Variants in TENM4 observed in about 807,000 individuals in gnomAD.
TENM4 encodes teneurin transmembrane protein 4, also known as teneurin-4.
TENM4 carries 82 observed loss-of-function variants against 243.3 expected under a neutral mutation model. The ratio of observed to expected loss-of-function variants is 0.34; its 90% CI spans 0.28 to 0.40. The LOEUF (loss-of-function observed/expected upper bound fraction) is 0.40, where lower values mean the gene tolerates loss of function less well. Ranked by LOEUF, TENM4 falls within the 10% of genes least tolerant of loss-of-function variation. The pLI is 1.00. For missense variants in TENM4, 3,138 were observed against 3,673.3 expected (o/e 0.85, Z 3.77); for synonymous variants, 1,412 against 1,456.3 (o/e 0.97, Z 0.69).
At chr11:79,283,124 A>C (rs530931071) in intron 2 of TENM4, among the ~76,000 whole-genome samples, 1 of 152,126 alleles carries the variant, frequency 6.6e-6, no homozygotes, top group South Asian at 2.1e-4. Flanking sequence ...TCTTACAAGA[A>C]ATACAAAAGG....
intron 16 of TENM4, among the ~76,000 whole-genome samples, chr11:78,781,801 G>C (rs1856843594): frequency 6.6e-6 from 1 of 152,196 alleles, no homozygotes; most frequent in Non-Finnish European, 1.5e-5. Flanking sequence ...AACCACCAAA[G>C]AGATGTTCTT....
At chr11:78,698,517 A>G (rs1173006170) in intron 28 of TENM4, among the ~76,000 whole-genome samples, 1 of 152,206 alleles carries the variant, frequency 6.6e-6, no homozygotes, top group Non-Finnish European at 1.5e-5. Context: ...AAAATAGAAC[A>G]TTTCGGTTAT....
chr11:79,203,675 A>G (rs1290686499), intron 3 of TENM4, among the ~76,000 whole-genome samples: 1 of 152,202 alleles, frequency 6.6e-6, no homozygotes, highest in Non-Finnish European at 1.5e-5. Flanking sequence ...AAATCCAAGA[A>G]TCTTCAACTC....
chr11:78,890,124 G>T, intron 8 of TENM4, 104 bp from the exon 9 acceptor site: 1 of 876,650 alleles, frequency 1.1e-6, no homozygotes, highest in Non-Finnish European at 1.7e-6. Context: ...ATGCAGAGGA[G>T]CCTGGATAGA....
intron 6 of TENM4, among the ~76,000 whole-genome samples, chr11:79,049,053 G>C (rs1859732525): frequency 6.6e-6 from 1 of 152,276 alleles, no homozygotes; most frequent in Non-Finnish European, 1.5e-5. Flanking sequence ...TCTGTCTTCT[G>C]TATACCATGA....
At chr11:79,222,312 T>C (rs917251926) in intron 2 of TENM4, among the ~76,000 whole-genome samples, 1 of 152,236 alleles carries the variant, frequency 6.6e-6, no homozygotes, top group African/African-American at 2.4e-5. Context: ...GCTCCATCCG[T>C]GTTCCTGAAA....
intron 2 of TENM4, among the ~76,000 whole-genome samples, chr11:79,230,212 G>A (rs1340663642): frequency 6.6e-6 from 1 of 152,138 alleles, no homozygotes; most frequent in Non-Finnish European, 1.5e-5. Flanking sequence ...GGACACGCTG[G>A]TCATCCTTAG....
chr11:79,117,981 G>T (rs1243011728), intron 4 of TENM4, among the ~76,000 whole-genome samples: 2 of 152,186 alleles, frequency 1.3e-5, no homozygotes, highest in Non-Finnish European at 2.9e-5. Flanking sequence ...AAATGGCAAA[G>T]GGAAAAGAAA....
At chr11:78,974,663 G>A (rs866856956) in intron 6 of TENM4, among the ~76,000 whole-genome samples, 7 of 151,882 alleles carry the variant, frequency 4.6e-5, no homozygotes. Flanking sequence ...AGTGGAAGTG[G>A]TAGCTCTCCC....
At chr11:79,363,650 CAT>C (rs1338880403) in intron 1 of TENM4, among the ~76,000 whole-genome samples, 1 of 152,200 alleles carries the variant, frequency 6.6e-6, no homozygotes, top group African/African-American at 2.4e-5. Flanking sequence ...TGCAGATTTT[CAT>C]ATGATATAAT....
Position 79,271,526 on chromosome 11 carries a change from T to A in TENM4, c.-265+25962A>T, listed in dbSNP as rs185496823. 7.6e-4 allele frequency among the ~76,000 whole-genome samples: 116 copies of A among 152,200 alleles called. 1 individual carries two copies. Among genetic ancestry groups the A allele is most frequent in the Non-Finnish European group, 7.2e-4 (49 of 67,990 alleles). On this transcript the variant is annotated intron_variant, in intron 2 of 33. Coordinates refer to ENST00000278550, the MANE Select transcript of TENM4 (RefSeq NM_001098816.3). ...CCCCAGGGCCACAGTGGGTAAACAG[T>A]CTGTGTTTGCTGAGCTTACCTCCTT...
intron 2 of TENM4, among the ~76,000 whole-genome samples, chr11:79,272,795 T>C (rs1033316743): frequency 2.6e-5 from 4 of 152,182 alleles, no homozygotes; most frequent in Non-Finnish European, 5.9e-5. Flanking sequence ...CCCCCTCACA[T>C]GCTGCCATGG....
chr11:79,344,509 GAGAGTACATGAC>G (rs1274271029), intron 1 of TENM4, among the ~76,000 whole-genome samples: 1 of 152,212 alleles, frequency 6.6e-6, no homozygotes, highest in Non-Finnish European at 1.5e-5. Context: ...CTTACAGAAA[GAGAGTACATGAC>G]ACCCCCAGAA....
chr11:79,260,264 G>C (rs973674317), intron 2 of TENM4, among the ~76,000 whole-genome samples: 1 of 152,126 alleles, frequency 6.6e-6, no homozygotes, highest in Admixed American at 6.5e-5. Flanking sequence ...TTTTCAGGAG[G>C]CACTGAGTGC....
intron 28 of TENM4, among the ~76,000 whole-genome samples, chr11:78,692,986 C>T (rs1051564636): frequency 6.6e-6 from 1 of 151,878 alleles, no homozygotes; most frequent in African/African-American, 2.4e-5. Context: ...TTTATTTGTT[C>T]TTTGTTTTCT....
At chr11:79,208,690 C>T (rs1863896688) in intron 3 of TENM4, among the ~76,000 whole-genome samples, 2 of 152,170 alleles carry the variant, frequency 1.3e-5, no homozygotes, top group African/African-American at 4.8e-5. Context: ...GCTTACCTCA[C>T]TGGGTAGTTG....
intron 6 of TENM4, among the ~76,000 whole-genome samples, chr11:79,056,608 T>C (rs1009982420): frequency 6.6e-6 from 1 of 152,008 alleles, no homozygotes; most frequent in Non-Finnish European, 1.5e-5. Flanking sequence ...GCTAAAATTA[T>C]GGCTTAAAGG....
chr11:79,029,574 C>T (rs7931496), intron 6 of TENM4, among the ~76,000 whole-genome samples: 41,008 of 152,002 alleles, frequency 0.27, 5,893 homozygotes, highest in African/African-American at 0.3. Context: ...TCTTGGAAAC[C>T]CAAGAGCCCC....
chr11:78,733,832 G>T (rs1385895974), intron 20 of TENM4, among the ~76,000 whole-genome samples: 3 of 152,118 alleles, frequency 2.0e-5, no homozygotes, highest in Non-Finnish European at 1.5e-5. Context: ...CCGGCAGGCT[G>T]GGTCTGCTGA....
Sources: allele counts gnomAD v4.1 joint callset (sites outside exome capture counted in the v4.1 genomes callset), GRCh38; gene constraint gnomAD v4.1.1; transcripts MANE v1.5; gene names NCBI Gene and HGNC (gene_info 2026-07-23, HGNC 2026-07-21).